Variants in ASPH observed in about 807,000 individuals in gnomAD.
ASPH encodes aspartate beta-hydroxylase, also known as aspartyl/asparaginyl beta-hydroxylase.
A neutral mutation model predicts 118.4 loss-of-function variants in ASPH; 100 were observed. That is an observed-to-expected ratio of 0.84 (90% confidence interval 0.72 to 1.00). ASPH has a LOEUF of 1.00. Among genes scored for constraint, ASPH ranks in the 50% least tolerant of loss-of-function variants. The probability of loss-of-function intolerance (pLI) is 0.00; values close to 1 mark genes in which losing one functional copy is unlikely to be tolerated. For missense variants in ASPH, 920 were observed against 919.5 expected, an observed-to-expected ratio of 1.00 and a Z score of -0.01; for synonymous variants, 315 against 325.6, an observed-to-expected ratio of 0.97 and a Z score of 0.35.
chr8:61,535,833 C>T (rs984041639), intron 21 of ASPH, among the ~76,000 whole-genome samples: 4 of 152,096 alleles, frequency 2.6e-5, no homozygotes, highest in Non-Finnish European at 5.9e-5. Flanking sequence ...TGGCGGGGAT[C>T]CCCCTGGGTG....
intron 3 of ASPH, chr8:61,661,058 A>C (rs1363303070): frequency 6.6e-6 from 1 of 152,174 alleles, no homozygotes; most frequent in Non-Finnish European, 1.5e-5. Flanking sequence ...TCAGGTTGTC[A>C]CAATATTCTT....
At chr8:61,561,798 T>C (rs1830054212) in intron 18 of ASPH, among the ~76,000 whole-genome samples, 2 of 152,202 alleles carry the variant, frequency 1.3e-5, no homozygotes, top group Non-Finnish European at 2.9e-5. Flanking sequence ...CATGGTGGCA[T>C]GTGCCTGTAG....
At chr8:61,636,598 A>T (rs984584120) in intron 12 of ASPH, among the ~76,000 whole-genome samples, 2 of 152,198 alleles carry the variant, frequency 1.3e-5, no homozygotes, top group Admixed American at 6.5e-5. Flanking sequence ...CCAGGACAGG[A>T]AACTCCCTTA....
chr8:61,598,586 G>A (rs1258974299), intron 14 of ASPH, among the ~76,000 whole-genome samples: 1 of 152,186 alleles, frequency 6.6e-6, no homozygotes, highest in African/African-American at 2.4e-5. Flanking sequence ...AGATCAGCTA[G>A]ACAGAAAACC....
At chr8:61,635,018 T>A (rs1432524149) in intron 12 of ASPH, among the ~76,000 whole-genome samples, 1 of 152,216 alleles carries the variant, frequency 6.6e-6, no homozygotes, top group Admixed American at 6.5e-5. Flanking sequence ...CAATCTGGGT[T>A]ACCTATTTTA....
chr8:61,646,714 T>C (rs1334427141), intron 6 of ASPH, 36 bp downstream of exon 6: 2 of 1,584,626 alleles, frequency 1.3e-6, no homozygotes, highest in South Asian at 2.3e-5. Context: ...TCATTGATTA[T>C]ATTTTATCCT....
chr8:61,607,917 G>A (rs1846090547), intron 14 of ASPH, among the ~76,000 whole-genome samples: 1 of 152,220 alleles, frequency 6.6e-6, no homozygotes, highest in Non-Finnish European at 1.5e-5. Flanking sequence ...AAAGAGGATA[G>A]TGTCTACTCT....
At chr8:61,678,594 C>T (rs1826446299) in intron 3 of ASPH, among the ~76,000 whole-genome samples, 2 of 151,770 alleles carry the variant, frequency 1.3e-5, no homozygotes. Context: ...TAAATGTGTA[C>T]ATTTCCCCAA....
chr8:61,635,745 T>C (rs1857433895), intron 12 of ASPH, among the ~76,000 whole-genome samples: 1 of 152,114 alleles, frequency 6.6e-6, no homozygotes, highest in Non-Finnish European at 1.5e-5. Flanking sequence ...TAATTTTAAT[T>C]CTAAAATATA....
At chr8:61,528,315 C>T (rs1274194640) in intron 21 of ASPH, among the ~76,000 whole-genome samples, 1 of 152,084 alleles carries the variant, frequency 6.6e-6, no homozygotes, top group East Asian at 1.9e-4. Flanking sequence ...AAAATGCACC[C>T]TAGGATTTCG....
intron 14 of ASPH, among the ~76,000 whole-genome samples, chr8:61,596,279 C>A (rs1842484612): frequency 6.6e-6 from 1 of 152,186 alleles, no homozygotes; most frequent in Admixed American, 6.5e-5. Flanking sequence ...CTACTGCAAG[C>A]AACCACTTGT....
intron 10 of ASPH, among the ~76,000 whole-genome samples, chr8:61,640,152 G>A (rs1804440658): frequency 6.6e-6 from 1 of 152,140 alleles, no homozygotes; most frequent in African/African-American, 2.4e-5. Flanking sequence ...CAGTAGCGCA[G>A]GGCACCACTG....
At chr8:61,706,427 A>AAAGAAGAAGAAG (rs1215822515) in intron 1 of ASPH, among the ~76,000 whole-genome samples, 1 of 86,114 alleles carries the variant, frequency 1.2e-5, no homozygotes, top group African/African-American at 5.0e-5. Flanking sequence ...AAAAAAAAAA[A>AAAGAAGAAGAAG]AAGAAGAAGA....
intron 4 of ASPH, 108 bp from the exon 5 acceptor site, chr8:61,651,232 A>T (rs1810819103): frequency 3.5e-6 from 3 of 861,812 alleles, no homozygotes; most frequent in Middle Eastern, 3.4e-4. Context: ...AATATATTTG[A>T]CTAAGCAACT....
chr8:61,670,654 TAAGA>T (rs879882606), intron 3 of ASPH, among the ~76,000 whole-genome samples: 7 of 151,432 alleles, frequency 4.6e-5, no homozygotes, highest in Non-Finnish European at 8.8e-5. Flanking sequence ...GGCATGTCTG[TAAGA>T]AAAAGAAGCT....
At chr8:61,638,032 T>C in intron 11 of ASPH, 29 bp from the exon 12 acceptor site, 1 of 1,588,986 alleles carries the variant, frequency 6.3e-7, no homozygotes, top group Non-Finnish European at 8.6e-7. Flanking sequence ...TCAGAATCCA[T>C]TACATGTTGC....
chr8:61,617,916 T>C (rs1329846672), intron 14 of ASPH, among the ~76,000 whole-genome samples: 2 of 116,380 alleles, frequency 1.7e-5, no homozygotes, highest in East Asian at 2.4e-4. Flanking sequence ...CTGGGTGACA[T>C]AGTGAGACGC....
At chr8:61,648,791 T>C (rs1468464142) in intron 5 of ASPH, among the ~76,000 whole-genome samples, 1 of 152,106 alleles carries the variant, frequency 6.6e-6, no homozygotes, top group African/African-American at 2.4e-5. Flanking sequence ...ATGAAGAACT[T>C]GAAAAACTGT....
intron 24 of ASPH, among the ~76,000 whole-genome samples, chr8:61,509,084 T>G (rs1807799844): frequency 6.6e-6 from 1 of 151,968 alleles, no homozygotes; most frequent in Non-Finnish European, 1.5e-5. Context: ...CACCAGTATT[T>G]AAGGGGTTTG....
Sources: allele counts gnomAD v4.1 joint callset (sites outside exome capture counted in the v4.1 genomes callset), GRCh38; gene constraint gnomAD v4.1.1; transcripts MANE v1.5; gene names NCBI Gene and HGNC (gene_info 2026-07-23, HGNC 2026-07-21).